MCU: variants seen among roughly 807,000 people sequenced by gnomAD.
MCU encodes the protein mitochondrial calcium uniporter.
MCU carries 12 observed loss-of-function variants against 45.2 expected under a neutral mutation model. The ratio of observed to expected loss-of-function variants is 0.27; its 90% CI spans 0.17 to 0.43. The LOEUF is 0.43. MCU is among the 20% of genes least tolerant of loss of function. MCU has a pLI of 1.00. For missense variants in MCU, 324 were observed against 436.7 expected, an observed-to-expected ratio of 0.74 and a Z score of 2.30; for synonymous variants, 160 against 165.1, an observed-to-expected ratio of 0.97 and a Z score of 0.24.
intron 6 of MCU, among the ~76,000 whole-genome samples, chr10:72,882,419 T>A (rs1845717387): frequency 2.6e-5 from 4 of 152,248 alleles, no homozygotes; most frequent in African/African-American, 7.2e-5. Flanking sequence ...ATGGGAGAAA[T>A]ATCGCTGAAT....
intron 1 of MCU, among the ~76,000 whole-genome samples, chr10:72,806,204 C>T (rs1044920044): frequency 1.1e-4 from 15 of 139,822 alleles, no homozygotes; most frequent in Non-Finnish European, 1.7e-4. Flanking sequence ...GTTGCCCAGG[C>T]TGGAGTGCAA....
intron 1 of MCU, among the ~76,000 whole-genome samples, chr10:72,826,947 ATTG>A (rs1844807417): frequency 1.3e-5 from 2 of 152,130 alleles, no homozygotes; most frequent in South Asian, 4.1e-4. Flanking sequence ...ATTACAATAT[ATTG>A]TTGTAATTAT....
chr10:72,727,803 A>G (rs1327912854), intron 1 of MCU, among the ~76,000 whole-genome samples: 1 of 152,216 alleles, frequency 6.6e-6, no homozygotes, highest in East Asian at 1.9e-4. Flanking sequence ...TAAATAATTA[A>G]CAAGAAAATA....
At chr10:72,703,634 G>C (rs1280058886) in intron 1 of MCU, among the ~76,000 whole-genome samples, 1 of 152,178 alleles carries the variant, frequency 6.6e-6, no homozygotes, top group Admixed American at 6.6e-5. Flanking sequence ...GCTGGGCATG[G>C]TGGCTCACAC....
intron 1 of MCU, chr10:72,756,446 T>C (rs1170617236): frequency 2.0e-5 from 3 of 152,214 alleles, no homozygotes; most frequent in Admixed American, 2.0e-4. Context: ...AACAATTACT[T>C]ATACATAAAA....
At chr10:72,761,495 T>G (rs1843656184) in intron 1 of MCU, among the ~76,000 whole-genome samples, 1 of 152,204 alleles carries the variant, frequency 6.6e-6, no homozygotes, top group Admixed American at 6.5e-5. Flanking sequence ...GTGATGGTAC[T>G]TTTTGGTATT....
intron 1 of MCU, among the ~76,000 whole-genome samples, chr10:72,765,778 C>G (rs1472290714): frequency 1.6e-5 from 2 of 124,072 alleles, no homozygotes; most frequent in Non-Finnish European, 3.1e-5. Context: ...CAAAGCCAGA[C>G]GCTGTCTCAA....
chr10:72,855,215 G>C (rs1290157893), intron 2 of MCU, among the ~76,000 whole-genome samples: 1 of 151,776 alleles, frequency 6.6e-6, no homozygotes, highest in Non-Finnish European at 1.5e-5. Context: ...CTCCAGCCTG[G>C]GCAACAGAGC....
intron 1 of MCU, among the ~76,000 whole-genome samples, chr10:72,813,452 T>C (rs989119620): frequency 1.2e-4 from 12 of 97,442 alleles, no homozygotes; most frequent in South Asian, 8.8e-4. Context: ...AGCTCTCTCT[T>C]TTTTTTTTTT....
intron 1 of MCU, among the ~76,000 whole-genome samples, chr10:72,760,229 T>C (rs1843635587): frequency 6.6e-6 from 1 of 152,068 alleles, no homozygotes; most frequent in Admixed American, 6.5e-5. Flanking sequence ...TATTTTATTT[T>C]TGGTGGAGAC....
intron 2 of MCU, among the ~76,000 whole-genome samples, chr10:72,850,438 A>C (rs1051053372): frequency 2.0e-5 from 3 of 152,200 alleles, no homozygotes; most frequent in Admixed American, 6.5e-5. Context: ...TCCCTTTCAT[A>C]ATAAGCCCTC....
intron 1 of MCU, among the ~76,000 whole-genome samples, chr10:72,741,795 G>C (rs1385500099): frequency 6.6e-6 from 1 of 152,124 alleles, no homozygotes; most frequent in Non-Finnish European, 1.5e-5. Flanking sequence ...TTGGGAGGCC[G>C]AGGCGGGTGG....
chr10:72,821,682 T>G (rs918262374), intron 1 of MCU, among the ~76,000 whole-genome samples: 2 of 152,168 alleles, frequency 1.3e-5, no homozygotes, highest in African/African-American at 4.8e-5. Context: ...AGAATATCTC[T>G]CTAGGCTGTG....
chr10:72,782,279 A>T (rs187692627), intron 1 of MCU, among the ~76,000 whole-genome samples: 199 of 152,220 alleles, frequency 1.3e-3, no homozygotes, highest in Non-Finnish European at 1.9e-3. Context: ...CCCTCATGCT[A>T]TGTGTACTTC....
chr10:72,875,685 T>A (rs1217088257), intron 6 of MCU, among the ~76,000 whole-genome samples: 1 of 152,240 alleles, frequency 6.6e-6, no homozygotes, highest in African/African-American at 2.4e-5. Context: ...CCCAATAGTA[T>A]GTTAAGTTCC....
intron 6 of MCU, among the ~76,000 whole-genome samples, chr10:72,875,969 A>G (rs1845610895): frequency 6.6e-6 from 1 of 152,222 alleles, no homozygotes. Context: ...GCATATTATA[A>G]TGCATAAACA....
chr10:72,844,435 G>A (rs1041718078), intron 2 of MCU, among the ~76,000 whole-genome samples: 1 of 151,962 alleles, frequency 6.6e-6, no homozygotes, highest in Non-Finnish European at 1.5e-5. Flanking sequence ...TGGGCATGGA[G>A]GCATACACCT....
intron 1 of MCU, among the ~76,000 whole-genome samples, chr10:72,705,479 C>T (rs903925245): frequency 1.3e-5 from 2 of 150,950 alleles, no homozygotes; most frequent in East Asian, 2.0e-4. Flanking sequence ...GTCAGGAGTT[C>T]GAGACCAGCC....
intron 1 of MCU, among the ~76,000 whole-genome samples, chr10:72,725,186 T>C (rs1589433471): frequency 2.0e-5 from 3 of 151,756 alleles, no homozygotes; most frequent in South Asian, 4.2e-4. Context: ...AGTGCAGTGG[T>C]GTGATCTCGG....
Sources: gnomAD v4.1 joint callset for allele counts (sites outside exome capture counted in the v4.1 genomes callset) on GRCh38, gnomAD v4.1.1 for gene constraint, MANE v1.5 for transcripts, NCBI Gene and HGNC (gene_info 2026-07-23, HGNC 2026-07-21) for gene names.